LDB2: variants seen among roughly 807,000 people sequenced by gnomAD.
LDB2 encodes the protein LIM domain-binding protein 2.
A neutral mutation model predicts 44.3 loss-of-function variants in LDB2; 12 were observed. The observed-to-expected ratio is 0.27, with a 90% CI of 0.17 to 0.44. The LOEUF (loss-of-function observed/expected upper bound fraction) is 0.44, where lower values mean the gene tolerates loss of function less well. LDB2 is among the 20% of genes least tolerant of loss of function. The pLI is 1.00. For synonymous variants in LDB2, 164 were observed against 174.8 expected, an observed-to-expected ratio of 0.94 and a Z score of 0.49; for missense variants, 344 against 473.5, an observed-to-expected ratio of 0.73 and a Z score of 2.54.
At chr4:16,735,339 C>T (rs283023) in intron 2 of LDB2, among the ~76,000 whole-genome samples, 75,850 of 151,550 alleles carry the variant, frequency 0.5, 19,180 homozygotes, top group East Asian at 0.78. Flanking sequence ...GGGCAGGCTG[C>T]GTTCTCCTCC....
intron 1 of LDB2, among the ~76,000 whole-genome samples, chr4:16,850,265 C>A (rs182019449): frequency 6.6e-6 from 1 of 152,212 alleles, no homozygotes; most frequent in East Asian, 1.9e-4. Context: ...GGAAATATCC[C>A]AGGCTTTGGA....
chr4:16,811,957 T>G (rs1779954463), intron 1 of LDB2, among the ~76,000 whole-genome samples: 1 of 152,238 alleles, frequency 6.6e-6, no homozygotes, highest in Non-Finnish European at 1.5e-5. Context: ...TTTTCCATTA[T>G]TTGTCTTCTA....
chr4:16,705,922 T>A (rs1754503550), intron 2 of LDB2, among the ~76,000 whole-genome samples: 1 of 152,232 alleles, frequency 6.6e-6, no homozygotes, highest in African/African-American at 2.4e-5. Context: ...ACAAAATACA[T>A]ATGAGATTAC....
chr4:16,672,835 C>CTTTCCTT (rs1553955153), intron 2 of LDB2, among the ~76,000 whole-genome samples: 3 of 149,718 alleles, frequency 2.0e-5, no homozygotes, highest in South Asian at 2.1e-4. Flanking sequence ...TGCCTTCTTT[C>CTTTCCTT]CTTCCTTCCT....
At chr4:16,506,821 A>T (rs948423202) in intron 7 of LDB2, 1 of 152,228 alleles carries the variant, frequency 6.6e-6, no homozygotes, top group Non-Finnish European at 1.5e-5. Context: ...CTCAGAAAAC[A>T]TCTGTTGAAC....
intron 1 of LDB2, among the ~76,000 whole-genome samples, chr4:16,782,526 A>G (rs1236504671): frequency 6.6e-6 from 1 of 151,888 alleles, no homozygotes; most frequent in Non-Finnish European, 1.5e-5. Flanking sequence ...AAGTTTTTGT[A>G]TTTTTAGTAG....
intron 5 of LDB2, among the ~76,000 whole-genome samples, chr4:16,562,129 TAGGC>T (rs1742584109): frequency 6.6e-6 from 1 of 152,174 alleles, no homozygotes; most frequent in South Asian, 2.1e-4. Flanking sequence ...GAAGAAAACC[TAGGC>T]ATTACCATTC....
chr4:16,529,057 AT>A (rs1729221672), intron 5 of LDB2, among the ~76,000 whole-genome samples: 1 of 151,760 alleles, frequency 6.6e-6, no homozygotes, highest in Non-Finnish European at 1.5e-5. Context: ...ACTACCTCTA[AT>A]CATTACCAGT....
intron 4 of LDB2, among the ~76,000 whole-genome samples, chr4:16,587,677 A>G (rs1249596354): frequency 2.0e-5 from 3 of 152,108 alleles, no homozygotes; most frequent in African/African-American, 7.2e-5. Context: ...GCTGACAACT[A>G]ATGCGTGGAG....
intron 1 of LDB2, among the ~76,000 whole-genome samples, chr4:16,881,109 T>A (rs1003252753): frequency 1.2e-4 from 18 of 152,088 alleles, no homozygotes; most frequent in African/African-American, 4.3e-4. Context: ...TTTGAATGCG[T>A]CTCACAGTGA....
chr4:16,865,726 T>C (rs1198145920), intron 1 of LDB2, among the ~76,000 whole-genome samples: 2 of 152,216 alleles, frequency 1.3e-5, no homozygotes, highest in African/African-American at 4.8e-5. Context: ...ACTCTGGGGA[T>C]AATCCAATTT....
At chr4:16,864,029 G>A (rs1022726954) in intron 1 of LDB2, among the ~76,000 whole-genome samples, 2 of 152,090 alleles carry the variant, frequency 1.3e-5, no homozygotes, top group Non-Finnish European at 2.9e-5. Flanking sequence ...TGATGAGGAG[G>A]TCCCTGAATG....
chr4:16,849,134 A>AT (rs1787674978), intron 1 of LDB2, among the ~76,000 whole-genome samples: 2 of 151,766 alleles, frequency 1.3e-5, no homozygotes, highest in African/African-American at 2.4e-5. Context: ...ATCCATATTC[A>AT]TTTTTTTCCC....
In LDB2 at chr4:16,585,938, G is replaced by A; in HGVS notation, c.599C>T (p.Thr200Ile). 1 of 1,613,260 alleles carries A rather than the reference G, an allele frequency of 6.2e-7. No individual in the cohort carries two copies. The highest frequency in any genetic ancestry group is 8.5e-7 in the Non-Finnish European group (1 of 1,179,340). ...TGATCTTACCCTGAGGTAGTTGAGG[G>A]TGAAGTTTGTTAGCCCCATCCTGGT... ...NITRMGLTNF[T>I]LNYLRLCVIL... Residue 200 changes from threonine to isoleucine, a missense_variant, in exon 5 of 8, where the codon ACC (threonine) becomes ATC (isoleucine). Thr to Ile is a moderately conservative substitution (Grantham distance 89). Around this residue, in one of 3 missense-constraint regions of LDB2, gnomAD observed 226 missense variants for 270.1 expected, o/e 0.84. Coordinates refer to ENST00000304523, the MANE Select transcript of LDB2 (RefSeq NM_001290.5).
chr4:16,776,979 C>A (rs925023113), intron 1 of LDB2, among the ~76,000 whole-genome samples: 5 of 152,180 alleles, frequency 3.3e-5, no homozygotes, highest in Non-Finnish European at 7.3e-5. Flanking sequence ...AATAACACCC[C>A]CTTCAGTTGT....
intron 2 of LDB2, among the ~76,000 whole-genome samples, chr4:16,690,632 C>A (rs1750527289): frequency 6.6e-6 from 1 of 151,740 alleles, no homozygotes; most frequent in South Asian, 2.1e-4. Context: ...TATACCTGCT[C>A]TGATCATCTA....
intron 2 of LDB2, among the ~76,000 whole-genome samples, chr4:16,635,868 G>A (rs1289711386): frequency 6.6e-6 from 1 of 152,076 alleles, no homozygotes; most frequent in Non-Finnish European, 1.5e-5. Context: ...AGGGCTCACG[G>A]TCTATAGTAT....
chr4:16,756,840 G>A (rs1481537088), intron 2 of LDB2, among the ~76,000 whole-genome samples: 1 of 151,644 alleles, frequency 6.6e-6, no homozygotes, highest in Non-Finnish European at 1.5e-5. Flanking sequence ...GACCCAAAAG[G>A]ACCCCCCTAG....
intron 1 of LDB2, among the ~76,000 whole-genome samples, chr4:16,814,739 T>C (rs1050959473): frequency 1.3e-5 from 2 of 152,144 alleles, no homozygotes; most frequent in Non-Finnish European, 2.9e-5. Flanking sequence ...TATAAGCACC[T>C]AAGAGAGTTT....
Sources: allele counts gnomAD v4.1 joint callset (sites outside exome capture counted in the v4.1 genomes callset), GRCh38; gene constraint gnomAD v4.1.1; regional missense constraint gnomAD v4.1.1; transcripts MANE v1.5; gene names NCBI Gene and HGNC (gene_info 2026-07-23, HGNC 2026-07-21).